The following ORC5 variants were observed in gnomAD, a reference collection of about 807,000 sequenced individuals.
ORC5 encodes the protein origin recognition complex subunit 5, also known as protein phosphatase 1, regulatory subunit 117.
In ORC5, 39 loss-of-function variants were observed where a neutral mutation model predicts 58.8. The ratio of observed to expected loss-of-function variants is 0.66; its 90% CI spans 0.51 to 0.87. The LOEUF is 0.87. Ranked by LOEUF, ORC5 falls within the 40% of genes least tolerant of loss-of-function variation. The probability of loss-of-function intolerance (pLI) is 0.00; values close to 1 mark genes in which losing one functional copy is unlikely to be tolerated. For missense variants in ORC5, 493 were observed against 506.3 expected, an observed-to-expected ratio of 0.97 and a Z score of 0.25; for synonymous variants, 218 against 177.6, an observed-to-expected ratio of 1.23 and a Z score of -1.81.
At chr7:104,137,119 T>TA (rs1374884842) in intron 12 of ORC5, among the ~76,000 whole-genome samples, 2 of 151,452 alleles carry the variant, frequency 1.3e-5, no homozygotes, top group East Asian at 1.9e-4. Flanking sequence ...TTTTTTTTCT[T>TA]AGAGATATGG....
At chr7:104,139,366 G>C (rs1021775067) in intron 12 of ORC5, among the ~76,000 whole-genome samples, 1 of 151,938 alleles carries the variant, frequency 6.6e-6, no homozygotes, top group African/African-American at 2.4e-5. Flanking sequence ...TTATAGATAA[G>C]CCTTAGAGAT....
chr7:104,190,142 AAC>A (rs1799641404), intron 5 of ORC5, among the ~76,000 whole-genome samples: 2 of 152,134 alleles, frequency 1.3e-5, no homozygotes, highest in African/African-American at 4.8e-5. Flanking sequence ...ACAATTTTGA[AAC>A]TGAGGGTAAA....
chr7:104,196,911 T>C (rs1799813073), intron 4 of ORC5, among the ~76,000 whole-genome samples: 1 of 152,174 alleles, frequency 6.6e-6, no homozygotes, highest in Non-Finnish European at 1.5e-5. Context: ...TGGTTTCACC[T>C]GGAAACAACC....
In ORC5 at chr7:104,136,742, T is replaced by A; in HGVS notation, c.1262+39A>T. Reference sequence around the variant, plus strand: ...ATCACATTTGGAAAACACTAATTTTTATATTTAGTATATCATTACATAATT... The same window carrying A: ...ATCACATTTGGAAAACACTAATTTTAATATTTAGTATATCATTACATAATT... On this transcript the variant is annotated intron_variant, in intron 13 of 13. Transcript: ENST00000297431. The surrounding 1 kb of genome is among the most constrained non-coding windows in gnomAD (Gnocchi z 4.2). 7.7e-7 allele frequency: 1 copy of A among 1,297,318 alleles called. No individual in the cohort carries two copies. The highest frequency in any genetic ancestry group is 1.1e-6 in the Non-Finnish European group (1 of 896,804). 80.4% of individuals were successfully genotyped at this position (1,297,318 alleles called of 1,614,324 possible).
At chr7:104,147,144 A>G (rs1255760450) in intron 12 of ORC5, among the ~76,000 whole-genome samples, 1 of 152,166 alleles carries the variant, frequency 6.6e-6, no homozygotes, top group East Asian at 1.9e-4. Context: ...ACACTTTTTA[A>G]CCCTTATTTG....
intron 8 of ORC5, 62 bp downstream of exon 8, chr7:104,183,881 G>C (rs1799486393): frequency 9.3e-7 from 1 of 1,078,674 alleles, no homozygotes; most frequent in Non-Finnish European, 1.4e-6. Context: ...TATTTAAGTT[G>C]AGAGAGTATA....
chr7:104,178,446 G>A (rs1410245495), intron 8 of ORC5, among the ~76,000 whole-genome samples: 1 of 152,108 alleles, frequency 6.6e-6, no homozygotes, highest in African/African-American at 2.4e-5. Flanking sequence ...GTTCCTTGTG[G>A]ATTCTGGATA....
chr7:104,201,598 T>C (rs2116094511), intron 2 of ORC5, among the ~76,000 whole-genome samples: 1 of 148,408 alleles, frequency 6.7e-6, no homozygotes, highest in East Asian at 2.0e-4. Context: ...CAGACCAGCC[T>C]GGGCAACATA....
At chr7:104,189,313 G>A (rs1238071425) in intron 5 of ORC5, among the ~76,000 whole-genome samples, 1 of 152,146 alleles carries the variant, frequency 6.6e-6, no homozygotes, top group Non-Finnish European at 1.5e-5. Context: ...GAGAATGAGT[G>A]CCAGCAGGGA....
At chr7:104,170,773 A>G (rs1472289099) in intron 8 of ORC5, among the ~76,000 whole-genome samples, 1 of 152,160 alleles carries the variant, frequency 6.6e-6, no homozygotes, top group East Asian at 1.9e-4. Flanking sequence ...CTATTTCTGG[A>G]ACGTTTTCTT....
At chr7:104,199,750 G>T (rs1799893295) in intron 3 of ORC5, among the ~76,000 whole-genome samples, 1 of 152,218 alleles carries the variant, frequency 6.6e-6, no homozygotes. Flanking sequence ...AAGACTTTGG[G>T]GGACTATTGG....
chr7:104,155,345 A>T (rs1305687535), intron 12 of ORC5, among the ~76,000 whole-genome samples: 1 of 151,726 alleles, frequency 6.6e-6, no homozygotes, highest in Non-Finnish European at 1.5e-5. Context: ...TATTATGTAC[A>T]ACTAAGTATG....
At chr7:104,201,020 G>A (rs1164307477) in intron 2 of ORC5, 62 bp from the exon 3 acceptor site, 3 of 1,365,936 alleles carry the variant, frequency 2.2e-6, no homozygotes, top group South Asian at 1.3e-5. Flanking sequence ...AATAATGGCT[G>A]TGCTGGATAG....
At position 104,183,972 on chromosome 7, in the gene ORC5, C is replaced by T. The variant is rs1193176816; in HGVS notation, c.795G>A (p.Met265Ile). ...RNIEPHLKKA[M>I]QTVYLREISS... Reference sequence around the variant, plus strand: ...ATATTTCCCTGAGATAAACAGTCTGCATAGCTTTCTTCAAATGAGGTTCAA... The same window carrying T: ...ATATTTCCCTGAGATAAACAGTCTGTATAGCTTTCTTCAAATGAGGTTCAA... Residue 265 changes from methionine to isoleucine, a missense_variant, in exon 8 of 14, where the codon ATG becomes ATA. By Grantham distance (10) the Met-to-Ile change is conservative. Around this residue, in one of 3 missense-constraint regions of ORC5, gnomAD observed 412 missense variants for 403.7 expected, o/e 1.02. Transcript: ENST00000297431. The T allele has an allele frequency of 6.2e-7, 1 of 1,613,292 alleles. No individual in the cohort carries two copies. The highest frequency in any genetic ancestry group is 1.1e-5 in the South Asian group (1 of 90,924).
At chr7:104,197,880 C>A in intron 3 of ORC5, 81 bp from the exon 4 acceptor site, 1 of 839,866 alleles carries the variant, frequency 1.2e-6, no homozygotes, top group Non-Finnish European at 1.9e-6. Context: ...CTATGTCCCC[C>A]AAAGTTCATG....
At chr7:104,185,298 C>T (rs1475137796) in intron 6 of ORC5, among the ~76,000 whole-genome samples, 4 of 151,248 alleles carry the variant, frequency 2.6e-5, no homozygotes, top group African/African-American at 4.9e-5. Flanking sequence ...TTTTTTTTCC[C>T]GTTAATCTAT....
At chr7:104,167,987 T>C (rs1051479295) in intron 9 of ORC5, 2 of 153,464 alleles carry the variant, frequency 1.3e-5, no homozygotes, top group Non-Finnish European at 2.9e-5. Context: ...TTTTCAATAT[T>C]TGCTCATTTT....
At chr7:104,130,589 A>T (rs1483439990) in intron 13 of ORC5, among the ~76,000 whole-genome samples, 1 of 152,158 alleles carries the variant, frequency 6.6e-6, no homozygotes, top group African/African-American at 2.4e-5. Flanking sequence ...TTTAGCATAC[A>T]GTTCAGTCTT....
At chr7:104,160,098 GA>G (rs1456986334) in intron 12 of ORC5, among the ~76,000 whole-genome samples, 1 of 152,084 alleles carries the variant, frequency 6.6e-6, no homozygotes, top group Admixed American at 6.5e-5. Context: ...TGAGTGAACT[GA>G]GTTTCTTCAA....
Sources: allele counts gnomAD v4.1 joint callset (sites outside exome capture counted in the v4.1 genomes callset), GRCh38; gene constraint gnomAD v4.1.1; regional missense constraint gnomAD v4.1.1; non-coding constraint Gnocchi (gnomAD v3.1); transcripts MANE v1.5; gene names NCBI Gene and HGNC (gene_info 2026-07-23, HGNC 2026-07-21).